The following CYB5R3 variants were observed in gnomAD, a reference collection of about 807,000 sequenced individuals.
CYB5R3 encodes NADH-cytochrome b5 reductase 3.
In CYB5R3, 28 loss-of-function variants were observed where a neutral mutation model predicts 36.5. That is an observed-to-expected ratio of 0.77 (90% CI 0.57 to 1.05). The LOEUF is 1.05. CYB5R3 is among the 50% of genes least tolerant of loss of function. The pLI is 0.00. For synonymous variants in CYB5R3, 181 were observed against 159.8 expected (o/e 1.13, Z -1.00); for missense variants, 474 against 408.9 (o/e 1.16, Z -1.37).
chr22:42,629,216 T>G (rs1178997388), intron 4 of CYB5R3, among the ~76,000 whole-genome samples: 1 of 152,132 alleles, frequency 6.6e-6, no homozygotes, highest in African/African-American at 2.4e-5. Flanking sequence ...CCCCAAACCT[T>G]ACTGGGGCCT....
chr22:42,642,505 C>T (rs1929332695), intron 1 of CYB5R3, among the ~76,000 whole-genome samples: 1 of 152,230 alleles, frequency 6.6e-6, no homozygotes, highest in Non-Finnish European at 1.5e-5. Flanking sequence ...GTGGCACGAT[C>T]TCAGCTCACT....
Position 42,636,742 on chromosome 22 carries a change from C to T in CYB5R3, c.126G>A (p.Lys42=), listed in dbSNP as rs996423852. The T allele has an allele frequency of 9.9e-6, 16 of 1,613,298 alleles. No homozygotes were observed. The African/African-American group carries it at 2.1e-4, about 22-fold the overall frequency. Residue 42 remains lysine (K), a synonymous_variant, in exon 2 of 9, where the codon AAG becomes AAA. Coordinates refer to ENST00000352397, the MANE Select transcript of CYB5R3 (RefSeq NM_000398.7). ...CCCGGTCGATGAGCCGCAGCGGGTA[C>T]TTGATGTCCGGGCTCTCGAGGGTGA... is the stretch of plus-strand genomic sequence containing the variant. The part of the protein sequence containing the change: ...PAITLESPDI[K]YPLRLIDREI...
At chr22:42,642,226 C>G (rs957141088) in intron 1 of CYB5R3, among the ~76,000 whole-genome samples, 1 of 151,796 alleles carries the variant, frequency 6.6e-6, no homozygotes, top group African/African-American at 2.4e-5. Context: ...ATCCTCCCAG[C>G]CCAGTCCCCG....
At chr22:42,627,246 G>T in intron 7 of CYB5R3, 58 bp downstream of exon 7, 1 of 1,436,622 alleles carries the variant, frequency 7.0e-7, no homozygotes, top group Non-Finnish European at 9.7e-7. Context: ...ACCTGACCAG[G>T]CCCGAAGTCC....
chr22:42,627,453 C>T (rs1928339252), intron 6 of CYB5R3, 64 bp from the exon 7 acceptor site: 1 of 1,554,218 alleles, frequency 6.4e-7, no homozygotes, highest in African/African-American at 1.4e-5. Flanking sequence ...CACCGCCCCG[C>T]CCAGGTGTAC....
At chr22:42,634,318 A>G (rs5996199) in intron 2 of CYB5R3, among the ~76,000 whole-genome samples, 94,130 of 151,516 alleles carry the variant, frequency 0.62, 29,444 homozygotes, top group East Asian at 0.88. Flanking sequence ...CCGAGATCAC[A>G]CCATTGCACT....
intron 1 of CYB5R3, among the ~76,000 whole-genome samples, chr22:42,637,788 G>C (rs1223036348): frequency 6.6e-6 from 1 of 152,186 alleles, no homozygotes; most frequent in Admixed American, 6.6e-5. Flanking sequence ...GCCCAGAAAG[G>C]CAAAGCGACT....
intron 1 of CYB5R3, chr22:42,644,363 T>G: frequency 1.4e-6 from 1 of 704,994 alleles, no homozygotes; most frequent in Non-Finnish European, 2.6e-6. Context: ...GAAGGCACCC[T>G]CTCTATGGCC....
At chr22:42,631,863 C>T (rs6002830) in intron 2 of CYB5R3, 21,485 of 236,594 alleles carry the variant, frequency 0.091, 1,161 homozygotes, top group Middle Eastern at 0.17. Flanking sequence ...CAAGGCTGCA[C>T]GTGCCCAGGC....
intron 7 of CYB5R3, among the ~76,000 whole-genome samples, chr22:42,625,511 A>AT (rs567346639): frequency 1.3e-5 from 2 of 152,062 alleles, no homozygotes; most frequent in Non-Finnish European, 2.9e-5. Context: ...TTCCGTCTCA[A>AT]TTTTTTTAAA....
chr22:42,619,844 T>C lies in CYB5R3; in HGVS notation c.835A>G (p.Met279Val). The change falls in exon 9 of 9, where the codon ATG becomes GTG. Residue 279 changes from methionine to valine, a missense_variant. Physicochemically the swap from Met to Val is conservative, Grantham distance 21. Coordinates refer to ENST00000352397, the MANE Select transcript of CYB5R3 (RefSeq NM_000398.7). ...PLVLMCGPPP[M>V]IQYACLPNLD... ...TTGGGAAGGCAGGCGTACTGGATCA[T>C]GGGTGGGGGGCCACACATCAGCACC... 1 of 1,605,284 alleles carries C rather than the reference T, an allele frequency of 6.2e-7. No individual in the cohort carries two copies. The highest frequency in any genetic ancestry group is 8.5e-7 in the Non-Finnish European group (1 of 1,176,962).
At chr22:42,645,265 T>C (rs1601952104) in intron 1 of CYB5R3, among the ~76,000 whole-genome samples, 1 of 152,186 alleles carries the variant, frequency 6.6e-6, no homozygotes, top group South Asian at 2.1e-4. Context: ...CAGAAAGCAC[T>C]CAACAAATAT....
In CYB5R3 at chr22:42,627,298, A is replaced by G; in HGVS notation, c.633+6T>C. 6.2e-7 allele frequency: 1 copy of G among 1,613,550 alleles called. No homozygotes were observed. The highest frequency in any genetic ancestry group is 8.5e-7 in the Non-Finnish European group (1 of 1,179,660). The stretch of plus-strand genomic sequence containing the variant: ...GAGTTTCCCCATCATGGGGATGCCC[A>G]CTGACCTGGTTGGCAAAGAGCAGGT... On this transcript the variant is annotated splice_donor_region_variant and intron_variant, in intron 7 of 8. Transcript: ENST00000352397.
At position 42,619,767 on chromosome 22, in the gene CYB5R3, C is replaced by G. The variant is rs768145707; in HGVS notation, c.*6G>C. 2 of 1,570,066 alleles carry G rather than the reference C, an allele frequency of 1.3e-6. No homozygotes were observed. Among genetic ancestry groups the G allele is most frequent in the Admixed American group, 3.8e-5 (2 of 53,276 alleles). On this transcript the variant is annotated 3_prime_UTR_variant, in exon 9 of 9. Coordinates refer to ENST00000352397, the MANE Select transcript of CYB5R3 (RefSeq NM_000398.7). ...GGGCGGGTGGCCGTGTGACCGTGCC[C>G]GGCCCTCAGAAGACGAAGCAGCGCT...
At chr22:42,621,183 AGTGTGTGTGTGTGTGTGTGTGT>A (rs61564405) in intron 8 of CYB5R3, among the ~76,000 whole-genome samples, 1 of 147,826 alleles carries the variant, frequency 6.8e-6, no homozygotes, top group South Asian at 2.2e-4. Context: ...ATTTCTTTTT[AGTGTGTGTGTGTGTGTGTGTGT>A]GTGTGTGTGT....
chr22:42,620,139 G>A (rs868346222), intron 8 of CYB5R3, among the ~76,000 whole-genome samples, 194 bp from the exon 9 acceptor site: 15 of 152,170 alleles, frequency 9.9e-5, no homozygotes, highest in Non-Finnish European at 1.8e-4. Context: ...TGAAACCAGT[G>A]TACAAAGCCC....
At chr22:42,628,364 C>G in intron 4 of CYB5R3, 83 bp from the exon 5 acceptor site, 1 of 1,553,810 alleles carries the variant, frequency 6.4e-7, no homozygotes, top group Non-Finnish European at 8.8e-7. Flanking sequence ...ACAAGTGCCT[C>G]TTCTGCAGCT....
chr22:42,636,995 C>T (rs921156807), intron 1 of CYB5R3, 149 bp from the exon 2 acceptor site: 4 of 1,131,382 alleles, frequency 3.5e-6, no homozygotes, highest in Admixed American at 2.0e-5. Flanking sequence ...GCTTCATCAT[C>T]CATTTTGGTG....
In CYB5R3 at chr22:42,619,916, C is replaced by G; in HGVS notation, c.763G>C (p.Glu255Gln). The change falls in exon 9 of 9, where the codon GAG becomes CAG. Residue 255 changes from glutamate (E) to glutamine (Q), a missense_variant. By Grantham distance (29) the Glu-to-Gln change is conservative. Transcript: ENST00000352397. ...AWDYGQGFVN[E>Q]EMIRDHLPPP... ...GGAAGGTGGTCCCGGATCATCTCCT[C>G]ATTCACGAAGCCCTGGCCGTAGTCC... 6.2e-7 allele frequency: 1 copy of G among 1,606,748 alleles called. No individual in the cohort carries two copies. Among genetic ancestry groups the G allele is most frequent in the Non-Finnish European group, 8.5e-7 (1 of 1,176,786 alleles).
Sources: allele counts gnomAD v4.1 joint callset (sites outside exome capture counted in the v4.1 genomes callset), GRCh38; gene constraint gnomAD v4.1.1; transcripts MANE v1.5; gene names NCBI Gene and HGNC (gene_info 2026-07-23, HGNC 2026-07-21).